TSPAN15: variants seen among roughly 807,000 people sequenced by gnomAD.
TSPAN15 encodes the protein tetraspanin-15.
In TSPAN15, 20 loss-of-function variants were observed where a neutral mutation model predicts 34.5. The ratio of observed to expected loss-of-function variants is 0.58; its 90% CI spans 0.41 to 0.84. The LOEUF is 0.84. Ranked by LOEUF, TSPAN15 falls within the 40% of genes least tolerant of loss-of-function variation. TSPAN15 has a pLI of 0.00. For missense variants in TSPAN15, 313 were observed against 386.1 expected (o/e 0.81, Z 1.59); for synonymous variants, 155 against 153.9 (o/e 1.01, Z -0.05).
At chr10:69,456,778 A>T (rs1361313479) in intron 1 of TSPAN15, among the ~76,000 whole-genome samples, 1 of 152,196 alleles carries the variant, frequency 6.6e-6, no homozygotes, top group African/African-American at 2.4e-5. Flanking sequence ...TCGAAAGGGC[A>T]TTGAACGAGG....
chr10:69,507,482 C>T lies in TSPAN15; in HGVS notation c.*504C>T, dbSNP rs1392713663. ...CAGCCTCCCAGGTGCCTTGAGCCCT[C>T]TTGCAAGGGCGGCTGCTTCCTTGAG... On this transcript the variant is annotated 3_prime_UTR_variant, in exon 8 of 8. Coordinates refer to ENST00000373290, the MANE Select transcript of TSPAN15 (RefSeq NM_012339.5). The T allele has an allele frequency of 7.7e-7, 1 of 1,304,152 alleles. No individual in the cohort carries two copies. The highest frequency in any genetic ancestry group is 1.0e-6 in the Non-Finnish European group (1 of 989,328). 80.8% of individuals were successfully genotyped at this position (1,304,152 alleles called of 1,614,324 possible).
intron 1 of TSPAN15, among the ~76,000 whole-genome samples, chr10:69,461,199 A>T (rs565352926): frequency 6.6e-6 from 1 of 152,258 alleles, no homozygotes; most frequent in African/African-American, 2.4e-5. Context: ...ATAGAGGAGG[A>T]GACTAAGGCC....
intron 1 of TSPAN15, among the ~76,000 whole-genome samples, chr10:69,474,360 A>G (rs1409559005): frequency 6.6e-6 from 1 of 152,156 alleles, no homozygotes; most frequent in African/African-American, 2.4e-5. Flanking sequence ...ACCCTAGGCC[A>G]GTGGAGGAAT....
At chr10:69,522,041 G>C in the TSPAN15 span, among the ~76,000 whole-genome samples, 5 of 147,376 alleles carry the variant, frequency 3.4e-5, 1 homozygote, top group African/African-American at 1.2e-4. Flanking sequence ...GTGCTTATTG[G>C]CCATTTGTAT....
At chr10:69,532,903 A>G in the TSPAN15 span, among the ~76,000 whole-genome samples, 2 of 152,246 alleles carry the variant, frequency 1.3e-5, no homozygotes, top group Non-Finnish European at 2.9e-5. Flanking sequence ...AGGTATACAA[A>G]TGCCCAACAA....
intron 3 of TSPAN15, among the ~76,000 whole-genome samples, chr10:69,491,580 C>T (rs1160779336): frequency 6.6e-6 from 1 of 151,586 alleles, no homozygotes; most frequent in Non-Finnish European, 1.5e-5. Context: ...CCAGGTTGGT[C>T]TCGAACTCCT....
downstream of TSPAN15, among the ~76,000 whole-genome samples, chr10:69,509,822 A>C (rs1842397644): frequency 1.3e-5 from 2 of 152,194 alleles, no homozygotes; most frequent in South Asian, 4.1e-4. Context: ...TTTTCACTAC[A>C]CCATTTATTA....
In TSPAN15 at chr10:69,498,372, CTA is replaced by C. The variant is rs1842132702; in HGVS notation, c.547_548del (p.Tyr183HisfsTer87). On this transcript the variant is annotated frameshift_variant, in exon 5 of 8. Transcript: ENST00000373290. LOFTEE classifies it high-confidence loss of function. ...CTGGACCCCTGGCCTGTGGGGTGCC[CTA>C]CACCTGCTGCATCAGGAACACGGTA... is the stretch of plus-strand genomic sequence containing the variant. ...APGPLACGVP[Y>X]TCCIRNTTEV... 2 of 1,613,854 alleles carry C rather than the reference CTA, an allele frequency of 1.2e-6. No homozygotes were observed. The highest frequency in any genetic ancestry group is 1.7e-6 in the Non-Finnish European group (2 of 1,179,956).
chr10:69,466,900 C>CTCTGAGGCCA (rs1841395761), intron 1 of TSPAN15, among the ~76,000 whole-genome samples: 1 of 152,202 alleles, frequency 6.6e-6, no homozygotes, highest in African/African-American at 2.4e-5. Flanking sequence ...GCAGTTGGCG[C>CTCTGAGGCCA]TCTGAGGGAG....
At chr10:69,467,006 G>T (rs1229434929) in intron 1 of TSPAN15, among the ~76,000 whole-genome samples, 1 of 152,218 alleles carries the variant, frequency 6.6e-6, no homozygotes, top group Non-Finnish European at 1.5e-5. Context: ...CCCTCTGGGA[G>T]CCCGTTCCTG....
Position 69,507,112 on chromosome 10 carries a change from T to C in TSPAN15, c.*134T>C. On this transcript the variant is annotated 3_prime_UTR_variant, in exon 8 of 8. Transcript: ENST00000373290. ...GACCAAAGCCAGGGCTGTGTGTGCC[T>C]GTGTGTAGGTCCCACGGCCTCTGCC... The C allele has an allele frequency of 2.0e-6, 3 of 1,480,722 alleles. No homozygotes were observed. The highest frequency in any genetic ancestry group is 2.7e-6 in the Non-Finnish European group (3 of 1,118,946). 91.7% of individuals were successfully genotyped at this position (1,480,722 alleles called of 1,614,324 possible). A position where few individuals can be genotyped will look rare whatever the true frequency, so the allele number is the denominator to read the frequency against.
chr10:69,508,048 AGAT>A (rs1842373299), downstream of TSPAN15, among the ~76,000 whole-genome samples: 1 of 152,072 alleles, frequency 6.6e-6, no homozygotes, highest in African/African-American at 2.4e-5. Context: ...CCCCTGCTGG[AGAT>A]GCCGGGACTT....
intron 1 of TSPAN15, among the ~76,000 whole-genome samples, chr10:69,471,013 C>A (rs1359320399): frequency 6.6e-6 from 1 of 152,156 alleles, no homozygotes; most frequent in East Asian, 1.9e-4. Context: ...CACATGTCAC[C>A]CTCCCTGGCC....
chr10:69,509,278 G>A (rs1445839921), downstream of TSPAN15, among the ~76,000 whole-genome samples: 7 of 152,106 alleles, frequency 4.6e-5, no homozygotes, highest in Non-Finnish European at 5.9e-5. Flanking sequence ...GTGGACCAGC[G>A]CTGGTGCCAC....
the TSPAN15 span, among the ~76,000 whole-genome samples, chr10:69,539,606 C>CAAAGGA: frequency 6.6e-6 from 1 of 151,190 alleles, no homozygotes; most frequent in East Asian, 2.0e-4. Context: ...ATAGAAAATT[C>CAAAGGA]AAAGGAAAAG....
chr10:69,485,359 A>G, intron 3 of TSPAN15, 144 bp downstream of exon 3: 1 of 763,128 alleles, frequency 1.3e-6, no homozygotes. Context: ...ACAGGCACTG[A>G]ACAAGTAAAG....
rs763507005 is a variant in TSPAN15 at position 69,504,505 on chromosome 10, T to C, written c.618+20T>C. ...AAGGAGGTAATGTCTTTGAAATGCC[T>C]TTCCCTGGAAATGTTGCTCTTCCTG... is the stretch of plus-strand genomic sequence containing the variant. On this transcript the variant is annotated intron_variant, in intron 6 of 7. Transcript: ENST00000373290. 1.4e-5 allele frequency: 23 copies of C among 1,613,528 alleles called. No individual in the cohort carries two copies. The highest frequency in any genetic ancestry group is 1.9e-5 in the Non-Finnish European group (22 of 1,179,568).
chr10:69,536,306 T>C, the TSPAN15 span, among the ~76,000 whole-genome samples: 1 of 152,200 alleles, frequency 6.6e-6, no homozygotes. Flanking sequence ...TATATTGTCA[T>C]GTAAGAGTCA....
the TSPAN15 span, chr10:69,523,515 G>C: frequency 4.2e-6 from 2 of 480,812 alleles, no homozygotes; most frequent in Admixed American, 2.8e-5. Context: ...AGTGGTACTT[G>C]TTGGCCTTGT....
Sources: allele counts gnomAD v4.1 joint callset (sites outside exome capture counted in the v4.1 genomes callset), GRCh38; gene constraint gnomAD v4.1.1; transcripts MANE v1.5; gene names NCBI Gene and HGNC (gene_info 2026-07-23, HGNC 2026-07-21).